The following ART3 variants were observed in gnomAD, a reference collection of about 807,000 sequenced individuals.
ART3 encodes ecto-ADP-ribosyltransferase 3.
ART3 carries 49 observed loss-of-function variants against 48.5 expected under a neutral mutation model. That is an observed-to-expected ratio of 1.01 (90% CI 0.80 to 1.28). The LOEUF (loss-of-function observed/expected upper bound fraction) is 1.28. Among genes scored for constraint, ART3 ranks in the 50% most tolerant of loss-of-function variants. The pLI is 0.00. For missense variants in ART3, 438 were observed against 454.3 expected (o/e 0.96, Z 0.33); for synonymous variants, 145 against 157.2 (o/e 0.92, Z 0.58).
chr4:76,046,616 T>A (rs1735521324), intron 1 of ART3, among the ~76,000 whole-genome samples: 1 of 152,108 alleles, frequency 6.6e-6, no homozygotes, highest in East Asian at 1.9e-4. Flanking sequence ...CCTTCCAAAT[T>A]GTCCTTCCAA....
intron 4 of ART3, among the ~76,000 whole-genome samples, chr4:76,098,134 A>G (rs1016590376): frequency 6.6e-6 from 1 of 151,952 alleles, no homozygotes; most frequent in African/African-American, 2.4e-5. Context: ...GAAGGAGGAG[A>G]ATGGGATGAC....
chr4:76,097,695 C>A lies in ART3; in HGVS notation c.814+19C>A. 6.3e-7 allele frequency: 1 copy of A among 1,593,654 alleles called. No individual in the cohort carries two copies. Among genetic ancestry groups the A allele is most frequent in the South Asian group, 1.1e-5 (1 of 90,404 alleles). ...AACCTAGGTAAGATAGCTTTAAAGT[C>A]TTATCCCTATAATAGGAATTTTATC... On this transcript the variant is annotated intron_variant, in intron 4 of 11. Coordinates refer to ENST00000355810, the MANE Select transcript of ART3 (RefSeq NM_001130016.3).
chr4:76,017,926 G>A (rs1732411472), intron 1 of ART3, among the ~76,000 whole-genome samples: 2 of 152,238 alleles, frequency 1.3e-5, no homozygotes. Flanking sequence ...CACTGCCAGG[G>A]GAAGGGAGAG....
chr4:76,044,040 A>G (rs1185730535), intron 1 of ART3, among the ~76,000 whole-genome samples: 1 of 151,632 alleles, frequency 6.6e-6, no homozygotes, highest in East Asian at 1.9e-4. Flanking sequence ...TGTTAGTTGA[A>G]CTCATTTGGG....
chr4:76,024,054 T>C lies in ART3; in HGVS notation c.-10+12734T>C, dbSNP rs368616574. Among the ~76,000 whole-genome samples, 5 of 152,216 alleles carry C rather than the reference T, an allele frequency of 3.3e-5. No individual in the cohort carries two copies. In the East Asian group the frequency reaches 9.6e-4, roughly 29 times the overall value. The stretch of plus-strand genomic sequence containing the variant: ...AGTTTTAAATAATTCAATAAATGCT[T>C]TGATCATTCATAACACCATTAGATT... On this transcript the variant is annotated intron_variant, in intron 1 of 9. Coordinates refer to the ART3 transcript ENST00000341029.
intron 1 of ART3, chr4:76,034,662 T>C: frequency 1.3e-6 from 1 of 770,806 alleles, no homozygotes; most frequent in Admixed American, 2.9e-5. Flanking sequence ...TGTACAAAAG[T>C]TGAAAGTCAC....
intron 1 of ART3, among the ~76,000 whole-genome samples, chr4:76,048,644 A>G (rs1416871473): frequency 6.6e-6 from 1 of 151,956 alleles, no homozygotes; most frequent in Non-Finnish European, 1.5e-5. Flanking sequence ...CCTGCTGATC[A>G]GAATAGTTGT....
chr4:76,100,347 G>T, intron 6 of ART3, 27 bp downstream of exon 6: 1 of 1,610,856 alleles, frequency 6.2e-7, no homozygotes, highest in Non-Finnish European at 8.5e-7. Context: ...AATTCTGGGG[G>T]CTTGGCCAGG....
Position 76,082,385 on chromosome 4 carries a change from A to C in ART3, c.631A>C (p.Ile211Leu), listed in dbSNP as rs768946151. The change falls in exon 3 of 12, where the codon ATT becomes CTT. Residue 211 changes from isoleucine to leucine, a missense_variant. Physicochemically the swap from Ile to Leu is conservative, Grantham distance 5. This residue lies in a region of ART3 where 227 missense variants were observed against 229.6 expected (regional missense o/e 0.99). Coordinates refer to ENST00000355810, the MANE Select transcript of ART3 (RefSeq NM_001130016.3). ...CATCTACACATGCCTTGGAGTTGACATTGAAAATTTTCTTGATAAAGAAAG... is the reference window on the plus strand; with the variant it reads ...CATCTACACATGCCTTGGAGTTGACCTTGAAAATTTTCTTGATAAAGAAAG... ...LSIYTCLGVD[I>L]ENFLDKESER... The C allele has an allele frequency of 1.2e-6, 2 of 1,614,108 alleles. No homozygotes were observed. The highest frequency in any genetic ancestry group is 8.5e-7 in the Non-Finnish European group (1 of 1,180,054).
rs368488589 is a variant in ART3, at chr4:76,098,022, C to CT, written c.814+348dup. Among the ~76,000 whole-genome samples the CT allele has an allele frequency of 5.8e-4, 89 of 152,306 alleles. 2 individuals carry two copies. The highest frequency in any genetic ancestry group is 2.0e-3 in the African/African-American group (83 of 41,568). On this transcript the variant is annotated intron_variant, in intron 4 of 11. Transcript: ENST00000355810. ...CCCCTACATCTTCAGCCATTTCCCACTTGACTCCTATGCAAAGAGCTAGCT... is the reference window on the plus strand; with the variant it reads ...CCCCTACATCTTCAGCCATTTCCCACTTTGACTCCTATGCAAAGAGCTAGCT...
At chr4:76,052,649 T>A (rs914593066) in intron 1 of ART3, among the ~76,000 whole-genome samples, 7 of 152,102 alleles carry the variant, frequency 4.6e-5, no homozygotes, top group Non-Finnish European at 7.3e-5. Flanking sequence ...ACTCTATGTC[T>A]ATGTGTACAC....
At chr4:76,030,461 T>C (rs1733778413) in intron 1 of ART3, among the ~76,000 whole-genome samples, 2 of 152,238 alleles carry the variant, frequency 1.3e-5, no homozygotes, top group African/African-American at 2.4e-5. Context: ...GTGTAGCCCT[T>C]CTTCTTTTTA....
intron 1 of ART3, among the ~76,000 whole-genome samples, chr4:76,065,233 C>T (rs1017565795): frequency 1.2e-4 from 18 of 152,098 alleles, no homozygotes; most frequent in East Asian, 3.9e-4. Context: ...ACAAATATGG[C>T]GAGCTCACTG....
At chr4:76,064,289 G>A (rs1451520035) in intron 1 of ART3, among the ~76,000 whole-genome samples, 7 of 152,014 alleles carry the variant, frequency 4.6e-5, no homozygotes, top group African/African-American at 1.7e-4. Context: ...CACCAAAAAA[G>A]GCACTCAGAA....
intron 1 of ART3, among the ~76,000 whole-genome samples, chr4:76,038,360 G>A (rs1402626344): frequency 6.6e-6 from 1 of 152,112 alleles, no homozygotes; most frequent in Non-Finnish European, 1.5e-5. Context: ...TATATACAGG[G>A]CTCAGTACTA....
intron 1 of ART3, among the ~76,000 whole-genome samples, chr4:76,054,164 G>A (rs1485977988): frequency 6.6e-6 from 1 of 152,198 alleles, no homozygotes; most frequent in East Asian, 1.9e-4. Context: ...GGAGAAAATA[G>A]ATCTGGTCGA....
At chr4:76,026,352 G>A (rs577765832) in intron 1 of ART3, among the ~76,000 whole-genome samples, 90 of 152,176 alleles carry the variant, frequency 5.9e-4, no homozygotes, top group African/African-American at 2.1e-3. Context: ...TGCCCCAGGA[G>A]AACAGGGAAC....
chr4:76,043,931 G>A (rs942733352), intron 1 of ART3, among the ~76,000 whole-genome samples: 1 of 152,014 alleles, frequency 6.6e-6, no homozygotes, highest in African/African-American at 2.4e-5. Context: ...GCTGGATAGG[G>A]GTGAAGAAGG....
chr4:76,098,535 G>A (rs907470253), intron 4 of ART3, among the ~76,000 whole-genome samples: 2 of 152,146 alleles, frequency 1.3e-5, no homozygotes, highest in African/African-American at 4.8e-5. Flanking sequence ...GCTGAGGCGG[G>A]TGGATTGCTT....
Sources: allele counts gnomAD v4.1 joint callset (sites outside exome capture counted in the v4.1 genomes callset), GRCh38; gene constraint gnomAD v4.1.1; regional missense constraint gnomAD v4.1.1; transcripts MANE v1.5; gene names NCBI Gene and HGNC (gene_info 2026-07-23, HGNC 2026-07-21).